MCU: variants seen among roughly 807,000 people sequenced by gnomAD.
MCU encodes calcium uniporter protein, mitochondrial.
In MCU, 12 loss-of-function variants were observed where a neutral mutation model predicts 45.2. The ratio of observed to expected loss-of-function variants is 0.27; its 90% CI spans 0.17 to 0.43. The LOEUF (loss-of-function observed/expected upper bound fraction) is 0.43. Ranked by LOEUF, MCU falls within the 20% of genes least tolerant of loss-of-function variation. The pLI, the probability that MCU is intolerant of heterozygous loss-of-function variation, is 1.00. For missense variants in MCU, 324 were observed against 436.7 expected (o/e 0.74, Z 2.30); for synonymous variants, 160 against 165.1 (o/e 0.97, Z 0.24).
chr10:72,867,636 G>A (rs1488985645), intron 4 of MCU, among the ~76,000 whole-genome samples: 2 of 152,036 alleles, frequency 1.3e-5, no homozygotes, highest in Non-Finnish European at 2.9e-5. Context: ...GGTAGATCAC[G>A]AGGTCAGGAG....
At chr10:72,796,648 G>A in intron 1 of MCU, among the ~76,000 whole-genome samples, 1 of 151,088 alleles carries the variant, frequency 6.6e-6, no homozygotes, top group Admixed American at 6.6e-5. Flanking sequence ...CGAGTAGGTA[G>A]TACTACAGGT....
chr10:72,762,481 A>T, intron 1 of MCU, among the ~76,000 whole-genome samples: 1 of 152,126 alleles, frequency 6.6e-6, no homozygotes, highest in Non-Finnish European at 1.5e-5. Flanking sequence ...AGACTGGGTC[A>T]CAGTGAATCC....
At chr10:72,832,943 T>A (rs1844901271) in intron 1 of MCU, among the ~76,000 whole-genome samples, 1 of 151,610 alleles carries the variant, frequency 6.6e-6, no homozygotes, top group South Asian at 2.1e-4. Context: ...TATGTGTGTG[T>A]GTGTGTGTGT....
Position 72,840,539 on chromosome 10 carries a change from C to T in MCU, c.220+6111C>T, listed in dbSNP as rs571537366. On this transcript the variant is annotated intron_variant, in intron 2 of 7. Coordinates refer to ENST00000373053, the MANE Select transcript of MCU (RefSeq NM_138357.3). ...TTGTACACAGTTGGAAATTCTGTGT[C>T]ATTATTGTATTGAGGACACATACAT... Among the ~76,000 whole-genome samples, 5 of 152,228 alleles carry T rather than the reference C, an allele frequency of 3.3e-5. No individual in the cohort carries two copies. The East Asian group carries it at 9.6e-4, about 29-fold the overall frequency.
chr10:72,723,843 A>G (rs1843057149), intron 1 of MCU, among the ~76,000 whole-genome samples: 1 of 152,200 alleles, frequency 6.6e-6, no homozygotes, highest in Non-Finnish European at 1.5e-5. Context: ...TGCAGATAGA[A>G]TAGGTTACCG....
At chr10:72,729,235 C>T (rs1398073224) in intron 1 of MCU, among the ~76,000 whole-genome samples, 5 of 152,138 alleles carry the variant, frequency 3.3e-5, no homozygotes, top group African/African-American at 4.8e-5. Context: ...GAAGCCAAGG[C>T]GGGTGGATCA....
intron 2 of MCU, among the ~76,000 whole-genome samples, chr10:72,848,109 C>T (rs1305853271): frequency 6.6e-6 from 1 of 152,102 alleles, no homozygotes; most frequent in African/African-American, 2.4e-5. Context: ...ATAGACAATC[C>T]CTGACTTCTG....
intron 2 of MCU, among the ~76,000 whole-genome samples, chr10:72,852,632 A>G (rs993171941): frequency 6.6e-6 from 1 of 152,218 alleles, no homozygotes; most frequent in Admixed American, 6.5e-5. Context: ...TCTAAATTGC[A>G]TCACAGAGAG....
chr10:72,780,282 A>G (rs961622968), intron 1 of MCU, among the ~76,000 whole-genome samples: 3 of 152,148 alleles, frequency 2.0e-5, no homozygotes, highest in African/African-American at 7.2e-5. Flanking sequence ...GGGAGTGACT[A>G]CTAGTGGGTA....
intron 4 of MCU, 88 bp downstream of exon 4, chr10:72,860,615 AACAG>A (rs1414482986): frequency 1.5e-5 from 15 of 986,704 alleles, no homozygotes; most frequent in Middle Eastern, 2.1e-4. Flanking sequence ...AACCTTGAGA[AACAG>A]ACAGTATTCA....
At chr10:72,736,910 G>GTCT (rs1843258785) in intron 1 of MCU, among the ~76,000 whole-genome samples, 1 of 152,210 alleles carries the variant, frequency 6.6e-6, no homozygotes, top group South Asian at 2.1e-4. Flanking sequence ...GGAAAAATGT[G>GTCT]TTAGCATTTG....
At position 72,869,279 on chromosome 10, in the gene MCU, G is replaced by GA. The variant is rs147499458; in HGVS notation, c.657+423dup. On this transcript the variant is annotated intron_variant, in intron 5 of 7. Coordinates refer to ENST00000373053, the MANE Select transcript of MCU (RefSeq NM_138357.3). ...CCTCAGAGAGAAGATATTTGCAGGG[G>GA]AAAAAAACAATAAAACATAACAAGG... Among the ~76,000 whole-genome samples the GA allele has an allele frequency of 3.4e-3, 516 of 152,234 alleles. 19 individuals carry two copies. In the East Asian group the frequency reaches 0.085, roughly 25 times the overall value.
chr10:72,858,431 C>T (rs1845326627), intron 2 of MCU, among the ~76,000 whole-genome samples: 1 of 150,552 alleles, frequency 6.6e-6, no homozygotes, highest in African/African-American at 2.4e-5. Context: ...TCTTGTCAGG[C>T]AAAAAAAAGG....
intron 4 of MCU, among the ~76,000 whole-genome samples, chr10:72,863,480 T>C: frequency 6.6e-6 from 1 of 152,210 alleles, no homozygotes; most frequent in Non-Finnish European, 1.5e-5. Context: ...TGGAAAGATA[T>C]TCTTTAAATA....
At chr10:72,725,882 G>GA (rs1234636532) in intron 1 of MCU, among the ~76,000 whole-genome samples, 4 of 150,894 alleles carry the variant, frequency 2.7e-5, no homozygotes, top group Admixed American at 6.6e-5. Context: ...GAAACTGTCT[G>GA]AAAAAAAAGA....
At chr10:72,849,628 C>T (rs1845176669) in intron 2 of MCU, among the ~76,000 whole-genome samples, 1 of 152,012 alleles carries the variant, frequency 6.6e-6, no homozygotes, top group South Asian at 2.1e-4. Flanking sequence ...CACTTAGAAA[C>T]TTTTAAGGGA....
intron 1 of MCU, among the ~76,000 whole-genome samples, chr10:72,833,594 G>A (rs1844911458): frequency 6.6e-6 from 1 of 152,204 alleles, no homozygotes; most frequent in Non-Finnish European, 1.5e-5. Context: ...TTCAGTTAAT[G>A]CCTGCCCTTC....
intron 1 of MCU, among the ~76,000 whole-genome samples, chr10:72,751,697 A>C (rs2132710652): frequency 6.6e-6 from 1 of 151,748 alleles, no homozygotes; most frequent in African/African-American, 2.4e-5. Flanking sequence ...CAGGTTCCCG[A>C]GGGTCTGGCT....
chr10:72,767,597 C>T (rs1200150028), intron 1 of MCU, among the ~76,000 whole-genome samples: 4 of 152,020 alleles, frequency 2.6e-5, no homozygotes, highest in Non-Finnish European at 5.9e-5. Context: ...ATCCTTCAGC[C>T]TCAGCCTCCC....
Sources: gnomAD v4.1 joint callset for allele counts (sites outside exome capture counted in the v4.1 genomes callset) on GRCh38, gnomAD v4.1.1 for gene constraint, MANE v1.5 for transcripts, NCBI Gene and HGNC (gene_info 2026-07-23, HGNC 2026-07-21) for gene names.